NEK7: variants seen among roughly 807,000 people sequenced by gnomAD.
NEK7 encodes NIMA related kinase 7.
A neutral mutation model predicts 44.6 loss-of-function variants in NEK7; 18 were observed. That is an observed-to-expected ratio of 0.40 (90% confidence interval 0.28 to 0.60). The LOEUF (loss-of-function observed/expected upper bound fraction) is 0.60. NEK7 is among the 20% of genes least tolerant of loss of function. The pLI, the probability that NEK7 is intolerant of heterozygous loss-of-function variation, is 0.38. For missense variants in NEK7, 256 were observed against 366.5 expected (o/e 0.70, Z 2.46); for synonymous variants, 130 against 121.1 (o/e 1.07, Z -0.48).
At chr1:198,271,250 T>TCTTC in intron 5 of NEK7, among the ~76,000 whole-genome samples, 1 of 152,162 alleles carries the variant, frequency 6.6e-6, no homozygotes, top group South Asian at 2.1e-4. Context: ...CAAAATCCCT[T>TCTTC]CTTCTTTATA....
intron 9 of NEK7, among the ~76,000 whole-genome samples, chr1:198,307,972 A>G (rs1655064152): frequency 6.6e-6 from 1 of 152,170 alleles, no homozygotes; most frequent in African/African-American, 2.4e-5. Flanking sequence ...CCTGGAAAAA[A>G]TCAAATGCCT....
Position 198,313,165 on chromosome 1 carries a change from G to A in NEK7, c.799-6247G>A, listed in dbSNP as rs191571729. 9.2e-5 allele frequency among the ~76,000 whole-genome samples: 14 copies of A among 152,312 alleles called. No homozygotes were observed. In the East Asian group the frequency reaches 2.3e-3, roughly 25 times the overall value. On this transcript the variant is annotated intron_variant, in intron 9 of 9. Coordinates refer to ENST00000367385, the MANE Select transcript of NEK7 (RefSeq NM_133494.3). The stretch of plus-strand genomic sequence containing the variant: ...ATATTTGGAATAGTTAGCTCTTCTT[G>A]TTGAGTTGATCCCTTTACCATTATG...
intron 2 of NEK7, among the ~76,000 whole-genome samples, chr1:198,234,362 T>G (rs1666488828): frequency 6.6e-6 from 1 of 152,112 alleles, no homozygotes; most frequent in Admixed American, 6.6e-5. Context: ...ATTATCAAGA[T>G]TATAATAAAC....
chr1:198,185,129 A>G (rs1664879222), intron 1 of NEK7, among the ~76,000 whole-genome samples: 2 of 149,150 alleles, frequency 1.3e-5, no homozygotes, highest in Middle Eastern at 3.5e-3. Flanking sequence ...TGGACACATT[A>G]TTATAGATAT....
intron 8 of NEK7, among the ~76,000 whole-genome samples, chr1:198,296,442 T>G (rs1016021361): frequency 6.6e-6 from 1 of 152,230 alleles, no homozygotes; most frequent in Non-Finnish European, 1.5e-5. Context: ...AATGTCTTTT[T>G]TAAAGTTGTT....
At chr1:198,253,306 G>C in intron 3 of NEK7, 126 bp downstream of exon 3, 2 of 599,350 alleles carry the variant, frequency 3.3e-6, no homozygotes, top group South Asian at 5.4e-5. Flanking sequence ...AAGATTGAAC[G>C]TTGTATTTTA....
intron 1 of NEK7, among the ~76,000 whole-genome samples, chr1:198,187,303 G>T (rs1180038170): frequency 1.3e-5 from 2 of 152,078 alleles, no homozygotes; most frequent in African/African-American, 2.4e-5. Context: ...TTGTCTCAGG[G>T]CAGTCAGCAT....
chr1:198,297,326 A>G (rs541794600), intron 9 of NEK7, 86 bp downstream of exon 9: 1 of 1,503,598 alleles, frequency 6.7e-7, no homozygotes, highest in Admixed American at 1.8e-5. Flanking sequence ...TTATCCAAAA[A>G]TGAAAATGAA....
At chr1:198,201,957 C>T (rs1665442368) in intron 1 of NEK7, among the ~76,000 whole-genome samples, 1 of 152,200 alleles carries the variant, frequency 6.6e-6, no homozygotes, top group Admixed American at 6.5e-5. Flanking sequence ...TTTTAATAAA[C>T]TGTGTGGCAA....
intron 7 of NEK7, among the ~76,000 whole-genome samples, chr1:198,283,653 A>G (rs777525374): frequency 6.6e-6 from 1 of 152,136 alleles, no homozygotes; most frequent in Non-Finnish European, 1.5e-5. Context: ...TTATTTGTCA[A>G]TCTTATAAAA....
intron 1 of NEK7, among the ~76,000 whole-genome samples, chr1:198,202,810 C>T (rs1009123454): frequency 3.9e-5 from 6 of 152,134 alleles, no homozygotes; most frequent in South Asian, 2.1e-4. Context: ...CTGGGTCCCT[C>T]GCACACCACA....
intron 5 of NEK7, among the ~76,000 whole-genome samples, chr1:198,265,728 G>A (rs116584718): frequency 0.025 from 3,769 of 152,166 alleles, 71 homozygotes; most frequent in African/African-American, 0.047. Context: ...CTTATAGCAC[G>A]CTGGCTTCCT....
chr1:198,215,396 AC>A (rs1244568075), intron 1 of NEK7, among the ~76,000 whole-genome samples: 1 of 152,202 alleles, frequency 6.6e-6, no homozygotes, highest in Middle Eastern at 3.2e-3. Flanking sequence ...CATCCCATGC[AC>A]TACATGTTGC....
At chr1:198,296,323 G>A (rs1169325552) in intron 8 of NEK7, among the ~76,000 whole-genome samples, 1 of 152,188 alleles carries the variant, frequency 6.6e-6, no homozygotes, top group Non-Finnish European at 1.5e-5. Flanking sequence ...TGAACAGGAT[G>A]CGAACATTTT....
intron 9 of NEK7, 109 bp downstream of exon 9, chr1:198,297,349 C>T: frequency 7.6e-7 from 1 of 1,314,910 alleles, no homozygotes; most frequent in Non-Finnish European, 1.1e-6. Flanking sequence ...GTATAGGTAG[C>T]AGAACTAGCA....
chr1:198,173,798 T>G (rs1049930374), intron 1 of NEK7, among the ~76,000 whole-genome samples: 20 of 152,284 alleles, frequency 1.3e-4, no homozygotes, highest in Admixed American at 3.9e-4. Flanking sequence ...ACTTTATAAT[T>G]AAAGTTTTTT....
intron 1 of NEK7, among the ~76,000 whole-genome samples, chr1:198,227,058 C>T (rs991160570): frequency 1.1e-4 from 17 of 152,078 alleles, no homozygotes; most frequent in Admixed American, 2.6e-4. Flanking sequence ...GTGATGTTCC[C>T]CTTCCTGTGT....
At chr1:198,255,533 G>GA (rs1487883626) in intron 3 of NEK7, among the ~76,000 whole-genome samples, 16 of 151,804 alleles carry the variant, frequency 1.1e-4, no homozygotes, top group Non-Finnish European at 1.6e-4. Flanking sequence ...GTGGAGGGAG[G>GA]AAGAAAAAAG....
intron 1 of NEK7, among the ~76,000 whole-genome samples, chr1:198,166,534 C>T (rs957580890): frequency 1.3e-5 from 2 of 152,140 alleles, no homozygotes; most frequent in African/African-American, 2.4e-5. Context: ...CACTCGAACA[C>T]TTGAAGGCCA....
Sources: allele counts gnomAD v4.1 joint callset (sites outside exome capture counted in the v4.1 genomes callset), GRCh38; gene constraint gnomAD v4.1.1; transcripts MANE v1.5; gene names NCBI Gene and HGNC (gene_info 2026-07-23, HGNC 2026-07-21).